FSTL5: variants seen among roughly 807,000 people sequenced by gnomAD.
FSTL5 encodes the protein follistatin like 5, also known as follistatin-related protein 5.
A neutral mutation model predicts 89.1 loss-of-function variants in FSTL5; 62 were observed. The ratio of observed to expected loss-of-function variants is 0.70; its 90% CI spans 0.57 to 0.86. The LOEUF is 0.86. FSTL5 is among the 40% of genes least tolerant of loss of function. The pLI is 0.00. For missense variants in FSTL5, 1,057 were observed against 1,001.6 expected, an observed-to-expected ratio of 1.06 and a Z score of -0.75; for synonymous variants, 383 against 346.2, an observed-to-expected ratio of 1.11 and a Z score of -1.18.
intron 12 of FSTL5, among the ~76,000 whole-genome samples, chr4:161,489,387 A>G (rs957159236): frequency 6.6e-6 from 1 of 152,078 alleles, no homozygotes; most frequent in Non-Finnish European, 1.5e-5. Context: ...AGTTAGGTCC[A>G]AAAAATAGAA....
intron 2 of FSTL5, among the ~76,000 whole-genome samples, chr4:162,055,602 C>T (rs1738516825): frequency 6.6e-6 from 1 of 151,562 alleles, no homozygotes; most frequent in Non-Finnish European, 1.5e-5. Context: ...CATCTTAATT[C>T]TCCTTAAATC....
chr4:161,704,047 G>A (rs890080805), intron 6 of FSTL5, among the ~76,000 whole-genome samples: 2 of 152,078 alleles, frequency 1.3e-5, no homozygotes, highest in African/African-American at 2.4e-5. Context: ...AAACCACTAA[G>A]CTAAAGGGAA....
chr4:161,515,201 T>C (rs1730778675), intron 10 of FSTL5, among the ~76,000 whole-genome samples: 1 of 152,032 alleles, frequency 6.6e-6, no homozygotes, highest in East Asian at 1.9e-4. Flanking sequence ...CTCTTTTTGT[T>C]TGTTTCTTTG....
At chr4:161,632,961 A>AT (rs1305958333) in intron 7 of FSTL5, among the ~76,000 whole-genome samples, 6 of 152,046 alleles carry the variant, frequency 3.9e-5, no homozygotes, top group African/African-American at 1.2e-4. Context: ...CATTTAATAT[A>AT]TTTTTTGTTC....
At position 161,752,393 on chromosome 4, in the gene FSTL5, T is replaced by C. The variant is rs1451755879; in HGVS notation, c.727+7018A>G. 2.0e-5 allele frequency among the ~76,000 whole-genome samples: 3 copies of C among 152,334 alleles called. No individual in the cohort carries two copies. The East Asian group carries it at 5.8e-4, about 29-fold the overall frequency. On this transcript the variant is annotated intron_variant, in intron 6 of 15. Coordinates refer to ENST00000306100, the MANE Select transcript of FSTL5 (RefSeq NM_020116.5). ...AGAGGAGTTTTAGCTGTTTTGTATTTTATCTAAATATATTCATACTTGATG... is the reference window on the plus strand; with the variant it reads ...AGAGGAGTTTTAGCTGTTTTGTATTCTATCTAAATATATTCATACTTGATG...
intron 6 of FSTL5, among the ~76,000 whole-genome samples, chr4:161,712,514 AC>A (rs1333146195): frequency 7.9e-5 from 12 of 152,186 alleles, no homozygotes; most frequent in Admixed American, 6.5e-5. Flanking sequence ...GGTTTAAATG[AC>A]AAAATCAGGT....
chr4:161,717,414 G>A (rs1739024888), intron 6 of FSTL5, among the ~76,000 whole-genome samples: 1 of 152,154 alleles, frequency 6.6e-6, no homozygotes, highest in Non-Finnish European at 1.5e-5. Context: ...GTGGCAGTGG[G>A]CTTTAGCAAC....
rs528373968 is a variant in FSTL5 at position 161,452,612 on chromosome 4, G to A, written c.1841+2392C>T. ...TAGTTAACAGTTTATTTTTGGAAACGCATGTTAATTTTTACTTCTCGCATT... is the reference window on the plus strand; with the variant it reads ...TAGTTAACAGTTTATTTTTGGAAACACATGTTAATTTTTACTTCTCGCATT... On this transcript the variant is annotated intron_variant, in intron 15 of 15. Transcript: ENST00000306100. Among the ~76,000 whole-genome samples, 78 of 151,704 alleles carry A rather than the reference G, an allele frequency of 5.1e-4. 2 individuals are homozygous for A. In the South Asian group the frequency reaches 0.014, roughly 27 times the overall value.
intron 13 of FSTL5, among the ~76,000 whole-genome samples, chr4:161,466,522 G>C (rs896817468): frequency 6.6e-6 from 1 of 152,070 alleles, no homozygotes; most frequent in Non-Finnish European, 1.5e-5. Flanking sequence ...AAGATAATAC[G>C]CTAATGGCTG....
intron 2 of FSTL5, among the ~76,000 whole-genome samples, chr4:162,100,234 C>A (rs886739566): frequency 6.6e-6 from 1 of 152,070 alleles, no homozygotes; most frequent in African/African-American, 2.4e-5. Context: ...TATTATTCAG[C>A]ACTAAAAATC....
intron 4 of FSTL5, among the ~76,000 whole-genome samples, chr4:161,830,411 A>G (rs933627660): frequency 6.6e-6 from 1 of 152,016 alleles, no homozygotes; most frequent in Non-Finnish European, 1.5e-5. Flanking sequence ...TTTTTTTAAC[A>G]TTTAAGTTGA....
intron 3 of FSTL5, among the ~76,000 whole-genome samples, chr4:161,975,898 G>C (rs1011569989): frequency 9.9e-5 from 15 of 150,904 alleles, no homozygotes; most frequent in Admixed American, 8.6e-4. Context: ...GGCGGATCAC[G>C]AGGCCAGGAG....
intron 10 of FSTL5, among the ~76,000 whole-genome samples, chr4:161,519,323 G>A (rs978991764): frequency 5.3e-5 from 8 of 152,028 alleles, no homozygotes; most frequent in Admixed American, 1.3e-4. Flanking sequence ...TCAGGAGATC[G>A]AGACCATCCT....
intron 15 of FSTL5, among the ~76,000 whole-genome samples, chr4:161,442,971 T>G (rs2126372304): frequency 6.6e-6 from 1 of 152,142 alleles, no homozygotes; most frequent in African/African-American, 2.4e-5. Flanking sequence ...TGGTCTACAG[T>G]AATGTAATCA....
At chr4:161,741,403 G>A (rs946473263) in intron 6 of FSTL5, among the ~76,000 whole-genome samples, 3 of 152,128 alleles carry the variant, frequency 2.0e-5, no homozygotes, top group Admixed American at 2.0e-4. Flanking sequence ...TGGTTTTAAA[G>A]GTAGAGGGTT....
intron 4 of FSTL5, among the ~76,000 whole-genome samples, chr4:161,833,931 T>C (rs2126864480): frequency 6.6e-6 from 1 of 152,284 alleles, no homozygotes; most frequent in South Asian, 2.1e-4. Context: ...ATTATGATGT[T>C]AGCTGGTTAT....
chr4:161,442,255 C>G (rs1301973655), intron 15 of FSTL5, among the ~76,000 whole-genome samples: 5 of 151,356 alleles, frequency 3.3e-5, no homozygotes, highest in African/African-American at 1.2e-4. Flanking sequence ...TTCATTGTGC[C>G]TTAGTTTACC....
chr4:161,650,984 C>G (rs977983834), intron 7 of FSTL5, among the ~76,000 whole-genome samples: 3 of 152,160 alleles, frequency 2.0e-5, no homozygotes, highest in Non-Finnish European at 4.4e-5. Context: ...CAAAACAGTT[C>G]CGCATTTCAA....
intron 3 of FSTL5, among the ~76,000 whole-genome samples, chr4:161,947,234 GA>G (rs1423085740): frequency 1.4e-5 from 2 of 147,148 alleles, no homozygotes; most frequent in East Asian, 4.0e-4. Flanking sequence ...TTGATGAGCA[GA>G]AATTTTATTT....
Sources: gnomAD v4.1 joint callset for allele counts (sites outside exome capture counted in the v4.1 genomes callset) on GRCh38, gnomAD v4.1.1 for gene constraint, MANE v1.5 for transcripts, NCBI Gene and HGNC (gene_info 2026-07-23, HGNC 2026-07-21) for gene names.